The following RNGTT variants were observed in gnomAD, a reference collection of about 807,000 sequenced individuals.
RNGTT encodes the protein RNA guanylyltransferase and 5'-phosphatase.
Under a neutral mutation model 79.3 loss-of-function variants are expected in RNGTT, and 33 were observed. The ratio of observed to expected loss-of-function variants is 0.42; its 90% CI spans 0.32 to 0.56. The LOEUF is 0.56. RNGTT is among the 20% of genes least tolerant of loss of function. The pLI is 0.17. For synonymous variants in RNGTT, 222 were observed against 235.9 expected (o/e 0.94, Z 0.54); for missense variants, 497 against 739.1 (o/e 0.67, Z 3.80).
intron 14 of RNGTT, among the ~76,000 whole-genome samples, chr6:88,647,969 T>C (rs973409796): frequency 6.7e-6 from 1 of 149,688 alleles, no homozygotes; most frequent in African/African-American, 2.6e-5. Context: ...GATTCAAAGA[T>C]ATAATCAGTC....
chr6:88,854,730 T>G (rs888018408), intron 8 of RNGTT, among the ~76,000 whole-genome samples: 1 of 151,630 alleles, frequency 6.6e-6, no homozygotes, highest in Non-Finnish European at 1.5e-5. Context: ...TTAAACTCAA[T>G]CAACATATGG....
At chr6:88,758,145 T>A (rs2127834281) in intron 13 of RNGTT, among the ~76,000 whole-genome samples, 1 of 152,308 alleles carries the variant, frequency 6.6e-6, no homozygotes, top group East Asian at 1.9e-4. Flanking sequence ...TTTTAAAAGG[T>A]CAATGCTCCC....
chr6:88,728,563 A>C (rs1488976261), intron 13 of RNGTT, among the ~76,000 whole-genome samples: 1 of 152,190 alleles, frequency 6.6e-6, no homozygotes, highest in African/African-American at 2.4e-5. Flanking sequence ...CCCCAACTGT[A>C]AGCTAAACCA....
At chr6:88,805,945 C>A (rs1382032879) in intron 11 of RNGTT, among the ~76,000 whole-genome samples, 2 of 152,256 alleles carry the variant, frequency 1.3e-5, no homozygotes, top group South Asian at 2.1e-4. Flanking sequence ...AATATAAATT[C>A]TTTGGAGCAC....
At chr6:88,718,997 A>G (rs1441000001) in intron 13 of RNGTT, among the ~76,000 whole-genome samples, 1 of 152,212 alleles carries the variant, frequency 6.6e-6, no homozygotes, top group Non-Finnish European at 1.5e-5. Flanking sequence ...TAGAGTTACA[A>G]AAAATAAACA....
chr6:88,638,061 A>G lies in RNGTT; in HGVS notation c.1507-23666T>C, dbSNP rs536335943. 7.2e-5 allele frequency among the ~76,000 whole-genome samples: 11 copies of G among 152,240 alleles called. No individual in the cohort carries two copies. In the East Asian group the frequency reaches 1.7e-3, roughly 24 times the overall value. On this transcript the variant is annotated intron_variant, in intron 14 of 15. Transcript: ENST00000369485. ...CACCCTTGTGCATTTTAATAGATTC[A>G]TTAGAAAATTTCCATGAAGATTTTG...
At chr6:88,617,659 C>T (rs1221201710) in intron 14 of RNGTT, among the ~76,000 whole-genome samples, 1 of 152,036 alleles carries the variant, frequency 6.6e-6, no homozygotes, top group East Asian at 1.9e-4. Flanking sequence ...ATTGTTTTGG[C>T]CTTTTGGGGT....
rs146321196 is a variant in RNGTT at position 88,883,910 on chromosome 6, A to G, written c.896+6585T>C. ...GATAAGTATAGCCCTTAAACATATG[A>G]GAGGATGTTTGACTCCATTCAGAAT... On this transcript the variant is annotated intron_variant, in intron 8 of 15. Transcript: ENST00000369485. 6.6e-4 allele frequency among the ~76,000 whole-genome samples: 100 copies of G among 152,354 alleles called. 1 individual carries two copies. The highest frequency in any genetic ancestry group is 2.4e-3 in the African/African-American group (99 of 41,586).
intron 2 of RNGTT, among the ~76,000 whole-genome samples, chr6:88,934,220 T>C (rs1251633534): frequency 1.3e-5 from 2 of 152,240 alleles, no homozygotes; most frequent in East Asian, 3.9e-4. Context: ...TTTTTAAAGA[T>C]GGTGTCTCGT....
intron 11 of RNGTT, among the ~76,000 whole-genome samples, chr6:88,807,810 G>A (rs1213340025): frequency 6.6e-6 from 1 of 151,950 alleles, no homozygotes; most frequent in Non-Finnish European, 1.5e-5. Flanking sequence ...GCAAGAAGGG[G>A]GAAAAGATTA....
chr6:88,644,768 T>C (rs1225825271), intron 14 of RNGTT, among the ~76,000 whole-genome samples: 2 of 152,168 alleles, frequency 1.3e-5, no homozygotes, highest in African/African-American at 2.4e-5. Context: ...ATTATCTCAA[T>C]AGATGCAGAA....
At chr6:88,805,056 G>A (rs972304608) in intron 11 of RNGTT, among the ~76,000 whole-genome samples, 1 of 152,184 alleles carries the variant, frequency 6.6e-6, no homozygotes, top group Non-Finnish European at 1.5e-5. Flanking sequence ...AAAATAGTAA[G>A]AGAATGCTGC....
chr6:88,637,128 T>A (rs749485995), intron 14 of RNGTT, among the ~76,000 whole-genome samples: 2 of 151,974 alleles, frequency 1.3e-5, no homozygotes, highest in Non-Finnish European at 2.9e-5. Flanking sequence ...CTCAACTTGG[T>A]TAGTTTGCTT....
rs143352865 is a variant in RNGTT, at chr6:88,853,941, G to C, written c.897-177C>G. ...TAATAATTTTTTTTTTTTTTTTGGA[G>C]ACAGAGTCTTCCTCTGTTGCCCAGG... is the stretch of plus-strand genomic sequence containing the variant. On this transcript the variant is annotated intron_variant, in intron 8 of 15. Coordinates refer to ENST00000369485, the MANE Select transcript of RNGTT (RefSeq NM_003800.5). 7.9e-3 allele frequency among the ~76,000 whole-genome samples: 1,167 copies of C among 147,474 alleles called. 8 individuals are homozygous for C. The highest frequency in any genetic ancestry group is 0.027 in the African/African-American group (1,081 of 40,070).
intron 12 of RNGTT, among the ~76,000 whole-genome samples, chr6:88,789,818 C>T (rs908062701): frequency 9.8e-5 from 15 of 152,308 alleles, no homozygotes; most frequent in African/African-American, 3.6e-4. Context: ...GGATAACAGG[C>T]TTTGCCTGTG....
chr6:88,765,002 C>T (rs1046582853), intron 13 of RNGTT, among the ~76,000 whole-genome samples: 6 of 152,070 alleles, frequency 3.9e-5, no homozygotes, highest in East Asian at 3.9e-4. Context: ...ACCATCCTGG[C>T]TAACACGGTG....
intron 14 of RNGTT, among the ~76,000 whole-genome samples, chr6:88,624,018 G>A (rs1772535981): frequency 1.3e-5 from 2 of 151,786 alleles, no homozygotes; most frequent in Admixed American, 1.3e-4. Flanking sequence ...ACATGAAATA[G>A]GTATAAATCT....
chr6:88,758,913 T>C (rs1030829188), intron 13 of RNGTT, among the ~76,000 whole-genome samples: 5 of 152,226 alleles, frequency 3.3e-5, no homozygotes, highest in Admixed American at 2.6e-4. Context: ...AGTTCTGGGG[T>C]ACATGTGCAC....
chr6:88,734,470 G>A (rs1027457557), intron 13 of RNGTT, among the ~76,000 whole-genome samples: 1 of 152,000 alleles, frequency 6.6e-6, no homozygotes, highest in South Asian at 2.1e-4. Flanking sequence ...TTAATCCAAC[G>A]ATATCAAAAT....
Sources: allele counts gnomAD v4.1 joint callset (sites outside exome capture counted in the v4.1 genomes callset), GRCh38; gene constraint gnomAD v4.1.1; transcripts MANE v1.5; gene names NCBI Gene and HGNC (gene_info 2026-07-23, HGNC 2026-07-21).